SLC4A8: variants seen among roughly 807,000 people sequenced by gnomAD.
The protein encoded by SLC4A8 is solute carrier family 4 member 8, also known as electroneutral sodium bicarbonate exchanger 1.
Under a neutral mutation model 125.0 loss-of-function variants are expected in SLC4A8, and 40 were observed. The ratio of observed to expected loss-of-function variants is 0.32; its 90% confidence interval spans 0.25 to 0.42. The LOEUF (loss-of-function observed/expected upper bound fraction) is 0.42, where lower values mean the gene tolerates loss of function less well. SLC4A8 is among the 10% of genes least tolerant of loss of function. The pLI is 1.00. For missense variants in SLC4A8, 863 were observed against 1,355.1 expected (o/e 0.64, Z 5.70); for synonymous variants, 456 against 476.0 (o/e 0.96, Z 0.55).
intron 1 of SLC4A8, among the ~76,000 whole-genome samples, chr12:51,427,958 C>T (rs1565766725): frequency 1.3e-5 from 2 of 152,178 alleles, no homozygotes; most frequent in Non-Finnish European, 2.9e-5. Flanking sequence ...AATCCAAACT[C>T]TTTATCATGG....
chr12:51,405,173 CT>C (rs1457699255), intron 1 of SLC4A8, among the ~76,000 whole-genome samples: 1 of 152,174 alleles, frequency 6.6e-6, no homozygotes, highest in African/African-American at 2.4e-5. Flanking sequence ...ACCACCCATC[CT>C]TGTGGGCTTT....
chr12:51,468,266 C>T (rs889556317), intron 11 of SLC4A8, among the ~76,000 whole-genome samples: 2 of 152,212 alleles, frequency 1.3e-5, no homozygotes, highest in Non-Finnish European at 2.9e-5. Flanking sequence ...GGAGAGGGGC[C>T]CTGAAGTCCT....
intron 1 of SLC4A8, among the ~76,000 whole-genome samples, chr12:51,429,247 T>C (rs910131046): frequency 6.6e-6 from 1 of 152,188 alleles, no homozygotes; most frequent in Non-Finnish European, 1.5e-5. Context: ...CCAGGGTTGC[T>C]TGTGGCCCTG....
intron 21 of SLC4A8, among the ~76,000 whole-genome samples, chr12:51,495,899 A>G (rs1179963290): frequency 6.6e-6 from 1 of 152,200 alleles, no homozygotes; most frequent in East Asian, 1.9e-4. Context: ...TAAATACTAC[A>G]TTTTGTTTAT....
chr12:51,496,527 G>A (rs1374466305), intron 21 of SLC4A8, among the ~76,000 whole-genome samples: 1 of 152,190 alleles, frequency 6.6e-6, no homozygotes, highest in African/African-American at 2.4e-5. Context: ...AATGATGCAG[G>A]CCCAAAGCAA....
chr12:51,490,746 T>A (rs1951292597), intron 19 of SLC4A8, among the ~76,000 whole-genome samples: 2 of 151,620 alleles, frequency 1.3e-5, no homozygotes, highest in Non-Finnish European at 2.9e-5. Flanking sequence ...CACAGTGCAA[T>A]GAGAAGGAAA....
chr12:51,505,006 A>G (rs1938104682), intron 23 of SLC4A8, among the ~76,000 whole-genome samples: 1 of 152,206 alleles, frequency 6.6e-6, no homozygotes, highest in Non-Finnish European at 1.5e-5. Context: ...ATTCTGAAGA[A>G]TTTACTGCTG....
At position 51,514,369 on chromosome 12, in the gene SLC4A8, A is replaced by G. The variant is rs1938463978; in HGVS notation, c.*6931A>G. The G allele has an allele frequency of 6.6e-6, 1 of 152,666 alleles. No individual in the cohort carries two copies. Among genetic ancestry groups the G allele is most frequent in the Non-Finnish European group, 1.5e-5 (1 of 68,064 alleles). The allele number at this position is 152,666 out of a possible 1,614,324, so 9.5% of individuals were successfully genotyped here. ...CAGACCCGAAATGGCCAAATGAGAC[A>G]TCATCCAAGTTCCTCCCTCCTTTAC... On this transcript the variant is annotated 3_prime_UTR_variant, in exon 25 of 25. Coordinates refer to ENST00000453097, the MANE Select transcript of SLC4A8 (RefSeq NM_001039960.3).
chr12:51,434,284 A>G (rs1949330873), intron 1 of SLC4A8, among the ~76,000 whole-genome samples: 1 of 152,234 alleles, frequency 6.6e-6, no homozygotes, highest in Non-Finnish European at 1.5e-5. Context: ...CTTTTAAAAC[A>G]ACGACATAAC....
chr12:51,486,675 AG>A (rs1164241384), intron 17 of SLC4A8, among the ~76,000 whole-genome samples: 2 of 152,212 alleles, frequency 1.3e-5, no homozygotes, highest in Non-Finnish European at 2.9e-5. Context: ...AGAATTATGA[AG>A]GAGGAAAGTG....
At chr12:51,443,526 C>A (rs1949667488) in intron 2 of SLC4A8, among the ~76,000 whole-genome samples, 1 of 151,892 alleles carries the variant, frequency 6.6e-6, no homozygotes, top group Non-Finnish European at 1.5e-5. Context: ...TTTCCCAGTC[C>A]CAGAGGAACA....
At chr12:51,445,780 C>T (rs1053691315) in intron 2 of SLC4A8, among the ~76,000 whole-genome samples, 14 of 152,110 alleles carry the variant, frequency 9.2e-5, no homozygotes, top group South Asian at 2.1e-4. Context: ...ACCCTAGACA[C>T]GCTAGCATTT....
At chr12:51,500,653 T>G (rs553249976) in intron 22 of SLC4A8, among the ~76,000 whole-genome samples, 2 of 152,030 alleles carry the variant, frequency 1.3e-5, no homozygotes. Flanking sequence ...TAGTTTTTTC[T>G]CTGTAATTAT....
At chr12:51,491,437 A>G (rs1951314494) in intron 19 of SLC4A8, among the ~76,000 whole-genome samples, 1 of 152,160 alleles carries the variant, frequency 6.6e-6, no homozygotes, top group Non-Finnish European at 1.5e-5. Context: ...GGGATGTGGT[A>G]TTAGGGAAGC....
chr12:51,497,873 A>G (rs1951506189), intron 22 of SLC4A8: 2 of 118,780 alleles, frequency 1.7e-5, no homozygotes, highest in Admixed American at 1.8e-4. Context: ...ACAAAAAAAA[A>G]AAGAAAAGAA....
chr12:51,462,512 G>A (rs915305561), intron 10 of SLC4A8, 56 bp downstream of exon 10: 3 of 1,443,588 alleles, frequency 2.1e-6, no homozygotes, highest in Non-Finnish European at 2.8e-6. Flanking sequence ...TGCCCACCAT[G>A]GACAAAGCAA....
chr12:51,482,554 A>G (rs1252608675), intron 16 of SLC4A8, among the ~76,000 whole-genome samples: 1 of 151,886 alleles, frequency 6.6e-6, no homozygotes, highest in East Asian at 1.9e-4. Flanking sequence ...TAATTTTTCT[A>G]TTTTTAGTAG....
Position 51,400,892 on chromosome 12 carries a change from T to A in SLC4A8, c.-112+9404T>A, listed in dbSNP as rs1225675531. The stretch of plus-strand genomic sequence containing the variant: ...TATATGTATATACATATATATATAT[T>A]TTTAAACAGGGTCTCACTCTGTTGC... On this transcript the variant is annotated intron_variant, in intron 1 of 24. Coordinates refer to the SLC4A8 transcript ENST00000358657. Among the ~76,000 whole-genome samples, 5 of 146,656 alleles carry A rather than the reference T, an allele frequency of 3.4e-5. No individual in the cohort carries two copies. In the South Asian group the frequency reaches 6.5e-4, roughly 19 times the overall value.
intron 23 of SLC4A8, among the ~76,000 whole-genome samples, chr12:51,505,414 T>G (rs1170460929): frequency 1.3e-5 from 2 of 152,252 alleles, no homozygotes; most frequent in African/African-American, 4.8e-5. Flanking sequence ...AAGTCCTTTG[T>G]GAACTATGAA....
Sources: gnomAD v4.1 joint callset for allele counts (sites outside exome capture counted in the v4.1 genomes callset) on GRCh38, gnomAD v4.1.1 for gene constraint, MANE v1.5 for transcripts, NCBI Gene and HGNC (gene_info 2026-07-23, HGNC 2026-07-21) for gene names.